USP25: variants seen among roughly 807,000 people sequenced by gnomAD.
The protein encoded by USP25 is ubiquitin carboxyl-terminal hydrolase 25.
Under a neutral mutation model 158.5 loss-of-function variants are expected in USP25, and 85 were observed. The observed-to-expected ratio is 0.54, with a 90% CI of 0.45 to 0.64. The LOEUF is 0.64. Among genes scored for constraint, USP25 ranks in the 30% least tolerant of loss-of-function variants. The probability of loss-of-function intolerance (pLI) is 0.00; values close to 1 mark genes in which losing one functional copy is unlikely to be tolerated. For missense variants in USP25, 1,242 were observed against 1,327.3 expected (o/e 0.94, Z 1.00); for synonymous variants, 464 against 460.4 (o/e 1.01, Z -0.10).
chr21:15,816,952 T>C lies in USP25; in HGVS notation c.932-1746T>C, dbSNP rs1401329608. ...TTCGAGACCAGCCTGGCCAACATGG[T>C]GAAACCCCACCTCTACTGAAAATAC... is the stretch of plus-strand genomic sequence containing the variant. On this transcript the variant is annotated intron_variant, in intron 9 of 25. Transcript: ENST00000400183. The surrounding 1 kb of genome is among the most constrained non-coding windows in gnomAD (Gnocchi z 4.0). Among the ~76,000 whole-genome samples, 1 of 151,932 alleles carries C rather than the reference T, an allele frequency of 6.6e-6. No individual in the cohort carries two copies.
chr21:15,731,926 T>C (rs1157126503), intron 1 of USP25, among the ~76,000 whole-genome samples: 2 of 152,224 alleles, frequency 1.3e-5, no homozygotes. Flanking sequence ...TGTTGAATAT[T>C]AAAGTCTGTT....
chr21:15,756,804 T>G (rs143670852), intron 1 of USP25, among the ~76,000 whole-genome samples: 1 of 152,236 alleles, frequency 6.6e-6, no homozygotes, highest in East Asian at 1.9e-4. Flanking sequence ...ACTGAATCTC[T>G]TTGGACGTTG....
chr21:15,834,888 A>G (rs2037987832), intron 17 of USP25, among the ~76,000 whole-genome samples: 1 of 152,224 alleles, frequency 6.6e-6, no homozygotes, highest in Admixed American at 6.5e-5. Context: ...AGGTGAAGCT[A>G]TGTGGGTCCA....
At chr21:15,827,777 T>TGC (rs1568859106) in intron 14 of USP25, among the ~76,000 whole-genome samples, 2 of 147,568 alleles carry the variant, frequency 1.4e-5, no homozygotes, top group Non-Finnish European at 3.0e-5. Flanking sequence ...TGTGTGTGTG[T>TGC]GTGTGTGTGT....
chr21:15,833,438 G>T lies in USP25; in HGVS notation c.2084G>T (p.Arg695Leu), dbSNP rs769585815. The T allele has an allele frequency of 3.1e-6, 5 of 1,613,976 alleles. No individual in the cohort carries two copies. The East Asian group carries it at 6.7e-5, about 22-fold the overall frequency. ...GATTTTGTTGAGGAAGACAACCAAC[G>T]ATTTGAAAAAGAACTAGAAGAATGG... ...LRDFVEEDNQ[R>L]FEKELEEWDA... is the part of the protein sequence containing the mutation. Residue 695 changes from arginine to leucine, a missense_variant, in exon 17 of 26, where the codon CGA (arginine) becomes CTA (leucine). Physicochemically the swap from Arg to Leu is moderately radical, Grantham distance 102 (BLOSUM62 -2). Around this residue, in one of 3 missense-constraint regions of USP25, gnomAD observed 608 missense variants for 605.2 expected, o/e 1.00. Coordinates refer to ENST00000400183, the MANE Select transcript of USP25 (RefSeq NM_001283041.3).
chr21:15,842,480 A>T lies in USP25; in HGVS notation c.2277A>T (p.Gln759His). ...FSKHLKEETI[Q>H]IITKASHEHE... ...AGCACTTGAAAGAAGAAACTATTCA[A>T]ATAATTACCAAGGCATCACATGAGC... is the stretch of plus-strand genomic sequence containing the variant. The change falls in exon 18 of 26, where the codon CAA becomes CAT. Residue 759 changes from glutamine (Q) to histidine (H), a missense_variant. By Grantham distance (24) the Gln-to-His change is conservative (BLOSUM62 0). Around this residue, in one of 3 missense-constraint regions of USP25, gnomAD observed 608 missense variants for 605.2 expected, o/e 1.00. Coordinates refer to ENST00000400183, the MANE Select transcript of USP25 (RefSeq NM_001283041.3). 1 of 1,613,844 alleles carries T rather than the reference A, an allele frequency of 6.2e-7. No individual in the cohort carries two copies. Among genetic ancestry groups the T allele is most frequent in the Non-Finnish European group, 8.5e-7 (1 of 1,179,788 alleles).
intron 23 of USP25, among the ~76,000 whole-genome samples, chr21:15,871,543 T>C (rs190721514): frequency 5.3e-5 from 8 of 152,292 alleles, no homozygotes; most frequent in Admixed American, 1.3e-4. Flanking sequence ...CTTGTATAAT[T>C]TAATGAAATC....
intron 3 of USP25, among the ~76,000 whole-genome samples, chr21:15,770,730 A>G (rs915427707): frequency 2.0e-5 from 3 of 152,212 alleles, no homozygotes; most frequent in Admixed American, 1.3e-4. Flanking sequence ...TAAATGTTTA[A>G]TTCTGGTGGC....
At chr21:15,857,396 T>A (rs2039205964) in intron 20 of USP25, among the ~76,000 whole-genome samples, 1 of 152,162 alleles carries the variant, frequency 6.6e-6, no homozygotes, top group Non-Finnish European at 1.5e-5. Context: ...AATACTAGTA[T>A]TATCAAATTG....
At position 15,778,012 on chromosome 21, in the gene USP25, A is replaced by G; in HGVS notation, c.377A>G (p.Glu126Gly). Residue 126 changes from glutamate to glycine, a missense_variant, in exon 4 of 26, where the codon GAA (glutamate) becomes GGA (glycine). By Grantham distance (98) the Glu-to-Gly change is moderately conservative. This residue lies in a region of USP25 where 627 missense variants were observed against 701.4 expected (regional missense o/e 0.89). Coordinates refer to ENST00000400183, the MANE Select transcript of USP25 (RefSeq NM_001283041.3). ...AGGGAGACTGGAATAACTGATGAGG[A>G]ACAAGCCATTAGCAGGTAAAAACAT... ...AFRETGITDE[E>G]QAISRVLEAS... 1 of 1,605,288 alleles carries G rather than the reference A, an allele frequency of 6.2e-7. No homozygotes were observed. The highest frequency in any genetic ancestry group is 8.5e-7 in the Non-Finnish European group (1 of 1,177,436).
intron 3 of USP25, among the ~76,000 whole-genome samples, chr21:15,772,538 A>G (rs2123466714): frequency 6.6e-6 from 1 of 152,260 alleles, no homozygotes; most frequent in East Asian, 1.9e-4. Flanking sequence ...GAATATTAAT[A>G]ATGCTCTGGC....
rs766550855 is a variant in USP25, at chr21:15,730,446, G to C, written c.45+8G>C. On this transcript the variant is annotated splice_region_variant and intron_variant, in intron 1 of 25. Coordinates refer to ENST00000400183, the MANE Select transcript of USP25 (RefSeq NM_001283041.3). ...CAGAGCGCGGCGCAGAAGGTGAGGC[G>C]AGTCCGCCAGCCGGCGGGCCCCACT... The C allele has an allele frequency of 1.0e-5, 14 of 1,357,760 alleles. No homozygotes were observed. The South Asian group carries it at 2.5e-4, about 24-fold the overall frequency. The allele number at this position is 1,357,760 out of a possible 1,614,324, so 84.1% of individuals were successfully genotyped here. A position where few individuals can be genotyped will look rare whatever the true frequency, so the allele number is the denominator to read the frequency against.
At chr21:15,811,681 T>C (rs2036668200) in intron 9 of USP25, among the ~76,000 whole-genome samples, 1 of 152,192 alleles carries the variant, frequency 6.6e-6, no homozygotes, top group Non-Finnish European at 1.5e-5. Flanking sequence ...AAGATTGTAC[T>C]CTATCTTTTG....
At chr21:15,783,657 T>G (rs2035096586) in intron 4 of USP25, among the ~76,000 whole-genome samples, 1 of 151,888 alleles carries the variant, frequency 6.6e-6, no homozygotes, top group South Asian at 2.1e-4. Flanking sequence ...AGTGCTATCC[T>G]TAAGAAATGA....
Position 15,762,966 on chromosome 21 carries a change from A to T in USP25, c.121A>T (p.Lys41Ter). ...CACCCAGATACTACAGCAAGCCTTGAAGGTATGGCCTCTGTTTTATGATAT... is the reference window on the plus strand; with the variant it reads ...CACCCAGATACTACAGCAAGCCTTGTAGGTATGGCCTCTGTTTTATGATAT... Reference protein sequence around the residue: ...NDTQILQQALKDSNGNLELAV... With the variant: ...NDTQILQQAL Residue 41 changes from lysine to a stop codon, truncating the protein, a stop_gained and splice_region_variant, in exon 2 of 26, where the codon AAG becomes TAG. Transcript: ENST00000400183. LOFTEE classifies it high-confidence loss of function. The T allele has an allele frequency of 6.2e-7, 1 of 1,611,552 alleles. No individual in the cohort carries two copies. The highest frequency in any genetic ancestry group is 8.5e-7 in the Non-Finnish European group (1 of 1,178,732).
intron 6 of USP25, among the ~76,000 whole-genome samples, chr21:15,802,838 A>G (rs1413950597): frequency 1.3e-5 from 2 of 151,704 alleles, no homozygotes; most frequent in Non-Finnish European, 3.0e-5. Context: ...TATCAGAAAA[A>G]CAATACAGAA....
At chr21:15,752,435 C>T (rs995326865) in intron 1 of USP25, among the ~76,000 whole-genome samples, 2 of 151,580 alleles carry the variant, frequency 1.3e-5, no homozygotes, top group Non-Finnish European at 2.9e-5. Flanking sequence ...AGGCTGGTCT[C>T]GAACTCCTGA....
intron 1 of USP25, among the ~76,000 whole-genome samples, chr21:15,747,596 A>G (rs532773833): frequency 1.2e-4 from 18 of 152,292 alleles, no homozygotes; most frequent in African/African-American, 2.4e-4. Context: ...TAGAACAACT[A>G]TGATAATATA....
At position 15,794,042 on chromosome 21, in the gene USP25, A is replaced by G. The variant is rs527667173; in HGVS notation, c.555+2378A>G. On this transcript the variant is annotated intron_variant, in intron 5 of 25. Coordinates refer to ENST00000400183, the MANE Select transcript of USP25 (RefSeq NM_001283041.3). Reference sequence around the variant, plus strand: ...TTGGAACTTACTCAAATTGTGATGTAAATGTACTGTAAAGTTTTGATTACA... The same window carrying G: ...TTGGAACTTACTCAAATTGTGATGTGAATGTACTGTAAAGTTTTGATTACA... Among the ~76,000 whole-genome samples, 4 of 151,724 alleles carry G rather than the reference A, an allele frequency of 2.6e-5. No homozygotes were observed. The South Asian group carries it at 8.3e-4, about 31-fold the overall frequency.
Sources: gnomAD v4.1 joint callset for allele counts (sites outside exome capture counted in the v4.1 genomes callset) on GRCh38, gnomAD v4.1.1 for gene constraint, gnomAD v4.1.1 regional missense constraint, Gnocchi (gnomAD v3.1) non-coding constraint, MANE v1.5 for transcripts, NCBI Gene and HGNC (gene_info 2026-07-23, HGNC 2026-07-21) for gene names.